The following MTBP variants were observed in gnomAD, a reference collection of about 807,000 sequenced individuals.
The protein encoded by MTBP is mdm2-binding protein.
Under a neutral mutation model 117.0 loss-of-function variants are expected in MTBP, and 101 were observed. That is an observed-to-expected ratio of 0.86 (90% CI 0.73 to 1.02). The LOEUF is 1.02. MTBP is among the 50% of genes least tolerant of loss of function. MTBP has a pLI of 0.00. For synonymous variants in MTBP, 350 were observed against 351.5 expected, an observed-to-expected ratio of 1.00 and a Z score of 0.05; for missense variants, 970 against 1,030.9, an observed-to-expected ratio of 0.94 and a Z score of 0.81.
At chr8:120,475,118 T>C (rs1246840631) in intron 11 of MTBP, among the ~76,000 whole-genome samples, 1 of 151,268 alleles carries the variant, frequency 6.6e-6, no homozygotes, top group African/African-American at 2.4e-5. Flanking sequence ...GTTTAGTTTT[T>C]CCCCCAGATA....
chr8:120,477,998 C>T (rs1197788242), intron 11 of MTBP, among the ~76,000 whole-genome samples: 3 of 152,112 alleles, frequency 2.0e-5, no homozygotes, highest in African/African-American at 7.2e-5. Context: ...GACTTGGAAC[C>T]AACTCAAATG....
At chr8:120,483,143 G>T (rs1413268472) in intron 11 of MTBP, among the ~76,000 whole-genome samples, 1 of 151,854 alleles carries the variant, frequency 6.6e-6, no homozygotes, top group Non-Finnish European at 1.5e-5. Flanking sequence ...GGGGTATCAG[G>T]CTAGGAAATA....
At position 120,506,843 on chromosome 8, in the gene MTBP, C is replaced by T; in HGVS notation, c.1865C>T (p.Pro622Leu). 6.2e-7 allele frequency: 1 copy of T among 1,607,296 alleles called. No homozygotes were observed. ...SDGLPIGDLQ[P>L]LPIQKGEKTF... ...GGATTACCCATTGGAGATCTTCAAC[C>T]TTTACCGATTCAAAAGGGGTAGGTT... Residue 622 changes from proline to leucine, a missense_variant, in exon 16 of 22, where the codon CCT becomes CTT. Physicochemically the swap from Pro to Leu is moderately conservative, Grantham distance 98. Coordinates refer to ENST00000305949, the MANE Select transcript of MTBP (RefSeq NM_022045.5).
intron 11 of MTBP, among the ~76,000 whole-genome samples, chr8:120,481,345 G>A (rs897672787): frequency 6.6e-5 from 10 of 152,122 alleles, no homozygotes; most frequent in South Asian, 6.2e-4. Context: ...AAATGAGAAC[G>A]TATGTTTACA....
chr8:120,522,439 T>C (rs1471545879), intron 20 of MTBP, among the ~76,000 whole-genome samples: 1 of 152,154 alleles, frequency 6.6e-6, no homozygotes, highest in East Asian at 1.9e-4. Context: ...GACTTATGTA[T>C]ATGTGTATGT....
intron 13 of MTBP, among the ~76,000 whole-genome samples, chr8:120,495,196 T>C (rs764773228): frequency 1.4e-4 from 22 of 152,200 alleles, no homozygotes; most frequent in Non-Finnish European, 2.6e-4. Context: ...ATTTATTTAC[T>C]TCACTAATAA....
chr8:120,480,651 T>A (rs1181132413), intron 11 of MTBP, among the ~76,000 whole-genome samples: 1 of 152,144 alleles, frequency 6.6e-6, no homozygotes, highest in Non-Finnish European at 1.5e-5. Flanking sequence ...TTCAACACAC[T>A]GCTGGAAGAA....
Position 120,515,954 on chromosome 8 carries a change from A to G in MTBP, c.2009A>G (p.Glu670Gly). 6.2e-7 allele frequency: 1 copy of G among 1,612,618 alleles called. No homozygotes were observed. Among genetic ancestry groups the G allele is most frequent in the East Asian group, 2.2e-5 (1 of 44,848 alleles). The change falls in exon 18 of 22, where the codon GAA becomes GGA. Residue 670 changes from glutamate (E) to glycine (G), a missense_variant. Coordinates refer to ENST00000305949, the MANE Select transcript of MTBP (RefSeq NM_022045.5). ...EYCLDDRKAL[E>G]RDGGFSELQS... The stretch of plus-strand genomic sequence containing the variant: ...TGCTTGGATGACCGAAAAGCTTTGG[A>G]AAGAGATGGAGGATTTTCTGAACTT...
intron 2 of MTBP, among the ~76,000 whole-genome samples, chr8:120,447,420 T>A (rs1813251004): frequency 6.6e-6 from 1 of 152,188 alleles, no homozygotes; most frequent in African/African-American, 2.4e-5. Context: ...ACCACTATTA[T>A]TGCAGGAAAG....
Position 120,461,162 on chromosome 8 carries a change from T to G in MTBP, c.884T>G (p.Val295Gly). The G allele has an allele frequency of 6.4e-7, 1 of 1,571,066 alleles. No individual in the cohort carries two copies. Among genetic ancestry groups the G allele is most frequent in the Non-Finnish European group, 8.7e-7 (1 of 1,142,920 alleles). ...PSKDKNILPK[V>G]FHYYGPALEF... is the part of the protein sequence containing the mutation. ...ACACAATTTTAATTTCTTTTCTAGGTTTTCCATTATTATGGCCCTGCTTTA... is the reference window on the plus strand; with the variant it reads ...ACACAATTTTAATTTCTTTTCTAGGGTTTCCATTATTATGGCCCTGCTTTA... Residue 295 changes from valine to glycine, a missense_variant and splice_region_variant, in exon 9 of 22, where the codon GTT (valine) becomes GGT (glycine). Transcript: ENST00000305949.
chr8:120,499,081 T>G (rs12678531), intron 14 of MTBP, among the ~76,000 whole-genome samples: 7,691 of 152,240 alleles, frequency 0.051, 351 homozygotes, highest in East Asian at 0.19. Flanking sequence ...TCTTGATTGC[T>G]TCTAATTGCA....
chr8:120,512,722 A>G (rs1272126139), intron 17 of MTBP, among the ~76,000 whole-genome samples: 1 of 151,974 alleles, frequency 6.6e-6, no homozygotes, highest in African/African-American at 2.4e-5. Flanking sequence ...ACTTTTTTTT[A>G]CTGTAAATTT....
chr8:120,455,549 A>G lies in MTBP; in HGVS notation c.599A>G (p.Lys200Arg), dbSNP rs1477412226. ...CATTTGAGAGAATGGTATTCAGCAA[A>G]GATCACTATAGCAGGAAATCATTGT... ...LKHLREWYSA[K>R]ITIAGNHCEI... Residue 200 changes from lysine to arginine, a missense_variant, in exon 6 of 22, where the codon AAG becomes AGG. Coordinates refer to ENST00000305949, the MANE Select transcript of MTBP (RefSeq NM_022045.5). The G allele has an allele frequency of 6.2e-7, 1 of 1,609,658 alleles. No homozygotes were observed. The highest frequency in any genetic ancestry group is 1.7e-5 in the Admixed American group (1 of 59,940).
chr8:120,448,854 T>C (rs921524679), intron 2 of MTBP, among the ~76,000 whole-genome samples: 1 of 152,196 alleles, frequency 6.6e-6, no homozygotes, highest in East Asian at 1.9e-4. Flanking sequence ...TTCAGTAATA[T>C]GGCAAGTTTG....
intron 13 of MTBP, among the ~76,000 whole-genome samples, chr8:120,493,578 C>T (rs919975881): frequency 2.0e-5 from 3 of 151,910 alleles, no homozygotes; most frequent in Admixed American, 2.0e-4. Flanking sequence ...GCAACTTCCA[C>T]CTCCCAAGTT....
rs750659732 is a variant in MTBP at position 120,516,021 on chromosome 8, C to A, written c.2076C>A (p.Thr692=). 1 of 1,613,038 alleles carries A rather than the reference C, an allele frequency of 6.2e-7. No individual in the cohort carries two copies. Among genetic ancestry groups the A allele is most frequent in the Non-Finnish European group, 8.5e-7 (1 of 1,179,270 alleles). Reference sequence around the variant, plus strand: ...GTTATGAAACTCAAACTACCTGCACCAGAGAAAGTTTTCCAGTACCTACTG... The same window carrying A: ...GTTATGAAACTCAAACTACCTGCACAAGAGAAAGTTTTCCAGTACCTACTG... ...LIRYETQTTC[T]RESFPVPTVL... is the part of the protein sequence containing the mutation. Residue 692 remains threonine (T), a synonymous_variant, in exon 18 of 22, where the codon ACC becomes ACA. Coordinates refer to ENST00000305949, the MANE Select transcript of MTBP (RefSeq NM_022045.5).
chr8:120,516,697 A>G (rs957881164), intron 18 of MTBP, among the ~76,000 whole-genome samples: 2 of 152,070 alleles, frequency 1.3e-5, no homozygotes, highest in Non-Finnish European at 2.9e-5. Flanking sequence ...TAAATGAAAT[A>G]TCCAGATACT....
chr8:120,518,592 C>A, intron 19 of MTBP, 112 bp from the exon 20 acceptor site: 2 of 643,588 alleles, frequency 3.1e-6, no homozygotes, highest in South Asian at 2.6e-5. Flanking sequence ...ACCTGTCTGT[C>A]TTTTAGCACA....
intron 11 of MTBP, among the ~76,000 whole-genome samples, chr8:120,474,491 A>C (rs1043029815): frequency 6.6e-6 from 1 of 151,950 alleles, no homozygotes; most frequent in African/African-American, 2.4e-5. Context: ...CTTTCTCACT[A>C]TCAGACTCTC....
Sources: allele counts gnomAD v4.1 joint callset (sites outside exome capture counted in the v4.1 genomes callset), GRCh38; gene constraint gnomAD v4.1.1; transcripts MANE v1.5; gene names NCBI Gene and HGNC (gene_info 2026-07-23, HGNC 2026-07-21).